The following UNC5A variants were observed in gnomAD, a reference collection of about 807,000 sequenced individuals.
UNC5A encodes unc-5 netrin receptor A.
UNC5A carries 20 observed loss-of-function variants against 87.4 expected under a neutral mutation model. That is an observed-to-expected ratio of 0.23 (90% CI 0.16 to 0.33). The LOEUF (loss-of-function observed/expected upper bound fraction) is 0.33. Ranked by LOEUF, UNC5A falls within the 10% of genes least tolerant of loss-of-function variation. The pLI is 1.00. For missense variants in UNC5A, 844 were observed against 1,133.4 expected (o/e 0.74, Z 3.67); for synonymous variants, 438 against 482.3 (o/e 0.91, Z 1.20).
intron 1 of UNC5A, among the ~76,000 whole-genome samples, chr5:176,858,774 G>GGAAA (rs771880438): frequency 0.13 from 7,343 of 57,142 alleles, 855 homozygotes; most frequent in Non-Finnish European, 0.2. Context: ...AAGGAAGGAA[G>GGAAA]GCAAGCAAGC....
Position 176,865,520 on chromosome 5 carries a change from T to C in UNC5A, c.293-2610T>C, listed in dbSNP as rs1757953314. The C allele has an allele frequency of 2.2e-6, 1 of 452,540 alleles. No individual in the cohort carries two copies. The allele number at this position is 452,540 out of a possible 1,614,324, so 28.0% of individuals were successfully genotyped here. A position where few individuals can be genotyped will look rare whatever the true frequency, so the allele number is the denominator to read the frequency against. On this transcript the variant is annotated intron_variant, in intron 2 of 14. Coordinates refer to ENST00000329542, the MANE Select transcript of UNC5A (RefSeq NM_133369.3). The surrounding 1 kb of genome is among the most constrained non-coding windows in gnomAD (Gnocchi z 5.3). Reference sequence around the variant, plus strand: ...CCACCCGTAACCGCCAGGGTCCTCTTCTGCCCCGAGCATCCGACTCCAGCC... The same window carrying C: ...CCACCCGTAACCGCCAGGGTCCTCTCCTGCCCCGAGCATCCGACTCCAGCC...
Position 176,878,619 on chromosome 5 carries a change from A to G in UNC5A, c.2164A>G (p.Ile722Val), listed in dbSNP as rs780065460. Residue 722 changes from isoleucine to valine, a missense_variant, in exon 13 of 15, where the codon ATC (isoleucine) becomes GTC (valine). Ile to Val is a conservative substitution (Grantham distance 29). Coordinates refer to ENST00000329542, the MANE Select transcript of UNC5A (RefSeq NM_133369.3). ...GGAGGGCGACGGGCAGAGCTTCAGC[A>G]TCAACTTCAACATCACCAAGGTGGA... ...QVEGDGQSFS[I>V]NFNITKDTRF... 6.8e-6 allele frequency: 11 copies of G among 1,612,320 alleles called. No individual in the cohort carries two copies. In the African/African-American group the frequency reaches 1.5e-4, roughly 22 times the overall value.
intron 1 of UNC5A, among the ~76,000 whole-genome samples, chr5:176,820,375 TGAGA>T (rs1756698687): frequency 6.6e-6 from 1 of 151,124 alleles, no homozygotes; most frequent in Non-Finnish European, 1.5e-5. Flanking sequence ...CCAGCCTGGG[TGAGA>T]GAGTGAGACT....
chr5:176,870,179 A>G (rs977027038), intron 5 of UNC5A, among the ~76,000 whole-genome samples, 191 bp from the exon 6 acceptor site: 1 of 152,188 alleles, frequency 6.6e-6, no homozygotes. Context: ...CCTCCCTGTC[A>G]TTAGCATGCG....
At chr5:176,836,533 G>A (rs905314636) in intron 1 of UNC5A, among the ~76,000 whole-genome samples, 17 of 152,132 alleles carry the variant, frequency 1.1e-4, no homozygotes, top group Admixed American at 7.2e-4. Flanking sequence ...CAGTGCCACC[G>A]TGAGTGGTTA....
At position 176,874,448 on chromosome 5, in the gene UNC5A, G is replaced by A. The variant is rs766339736; in HGVS notation, c.1260G>A (p.Glu420=). The change falls in exon 8 of 15, where the codon GAG becomes GAA. Residue 420 remains glutamate, a synonymous_variant. Transcript: ENST00000329542. This position sits in a 1 kb window ranked among gnomAD's most constrained non-coding sequence, Gnocchi z 7.6. The stretch of plus-strand genomic sequence containing the variant: ...ACAGCTCTCCCACCTCTGAGGCCGA[G>A]GAGTTCGTCTCCCGCCTCTCCACCC... ...LHHSSPTSEA[E]EFVSRLSTQN... 1.9e-6 allele frequency: 3 copies of A among 1,612,314 alleles called. No individual in the cohort carries two copies. The highest frequency in any genetic ancestry group is 2.5e-6 in the Non-Finnish European group (3 of 1,179,262).
rs574622108 is a variant in UNC5A at position 176,848,772 on chromosome 5, C to T, written c.71-13852C>T. Among the ~76,000 whole-genome samples, 1 of 152,336 alleles carries T rather than the reference C, an allele frequency of 6.6e-6. No individual in the cohort carries two copies. The highest frequency in any genetic ancestry group is 1.9e-4 in the East Asian group (1 of 5,184). ...TCACCCAGGGGCAGGAGCTGAGGCT[C>T]AGACCACGGGCACACAAGATGGGCA... On this transcript the variant is annotated intron_variant, in intron 1 of 14. Coordinates refer to ENST00000329542, the MANE Select transcript of UNC5A (RefSeq NM_133369.3). This position sits in a 1 kb window ranked among gnomAD's most constrained non-coding sequence, Gnocchi z 5.8.
chr5:176,877,040 G>A, intron 8 of UNC5A, 152 bp from the exon 9 acceptor site: 1 of 606,016 alleles, frequency 1.7e-6, no homozygotes, highest in Non-Finnish European at 2.8e-6. Flanking sequence ...TGTGGGGGTG[G>A]TTGGTCAGCA....
At chr5:176,825,515 T>C (rs1451233501) in intron 1 of UNC5A, among the ~76,000 whole-genome samples, 1 of 152,152 alleles carries the variant, frequency 6.6e-6, no homozygotes, top group Non-Finnish European at 1.5e-5. Context: ...CAGAGGCCAT[T>C]TGGAATCTGC....
rs889904297 is a variant in UNC5A, at chr5:176,838,228, G to C, written c.71-24396G>C. On this transcript the variant is annotated intron_variant, in intron 1 of 14. Transcript: ENST00000329542. This position sits in a 1 kb window ranked among gnomAD's most constrained non-coding sequence, Gnocchi z 4.2. ...AGGAGCTGGAGAGGTGGGAAGTAGG[G>C]ATTGGTGAGGCCTAATTCAGATGGT... 3.9e-5 allele frequency among the ~76,000 whole-genome samples: 6 copies of C among 152,312 alleles called. No individual in the cohort carries two copies. The highest frequency in any genetic ancestry group is 7.4e-5 in the Non-Finnish European group (5 of 68,022).
At chr5:176,814,545 C>T (rs970217030) in intron 1 of UNC5A, among the ~76,000 whole-genome samples, 17 of 152,216 alleles carry the variant, frequency 1.1e-4, no homozygotes, top group Non-Finnish European at 2.4e-4. Flanking sequence ...CTGTGAAACC[C>T]GCAGCTTCAG....
At chr5:176,876,760 C>G (rs1216293767) in intron 8 of UNC5A, among the ~76,000 whole-genome samples, 42 of 152,102 alleles carry the variant, frequency 2.8e-4, no homozygotes, top group Non-Finnish European at 1.8e-4. Flanking sequence ...GAACCACCAA[C>G]TTTGTAGCAC....
In UNC5A at chr5:176,869,056, G is replaced by A; in HGVS notation, c.721+92G>A. The A allele has an allele frequency of 2.9e-6, 4 of 1,395,210 alleles. No individual in the cohort carries two copies. The highest frequency in any genetic ancestry group is 3.8e-6 in the Non-Finnish European group (4 of 1,043,002). The allele number at this position is 1,395,210 out of a possible 1,614,324, so 86.4% of individuals were successfully genotyped here. A position where few individuals can be genotyped will look rare whatever the true frequency, so the allele number is the denominator to read the frequency against. On this transcript the variant is annotated intron_variant, in intron 5 of 14. Coordinates refer to ENST00000329542, the MANE Select transcript of UNC5A (RefSeq NM_133369.3). The surrounding 1 kb of genome is among the most constrained non-coding windows in gnomAD (Gnocchi z 9.1). ...TGGTGGGGTGAAGAGAGGCCATGAG[G>A]CCAAAGCCAGGTGGACCAGATCGTG...
In UNC5A at chr5:176,877,987, C is replaced by A. The variant is rs764305277; in HGVS notation, c.1729C>A (p.Arg577Ser). 1.2e-6 allele frequency: 2 copies of A among 1,605,740 alleles called. No individual in the cohort carries two copies. Among genetic ancestry groups the A allele is most frequent in the East Asian group, 4.5e-5 (2 of 44,894 alleles). ...ACYVFTEQLGRFALVGEALSV... is the reference protein window; with the variant it reads ...ACYVFTEQLGSFALVGEALSV... ...CTACGTCTTCACCGAGCAGCTGGGC[C>A]GCTTTGCCCTGGTGGGAGAGGCCCT... Residue 577 changes from arginine (R) to serine (S), a missense_variant, in exon 11 of 15, where the codon CGC becomes AGC. Coordinates refer to ENST00000329542, the MANE Select transcript of UNC5A (RefSeq NM_133369.3).
rs1015696771 is a variant in UNC5A at position 176,874,526 on chromosome 5, C to G, written c.1338C>G (p.Thr446=). Residue 446 remains threonine (T), a synonymous_variant, in exon 8 of 15, where the codon ACC becomes ACG. Transcript: ENST00000329542. The surrounding 1 kb of genome is among the most constrained non-coding windows in gnomAD (Gnocchi z 7.6). ...PRGTSNMTYG[T]FNFLGGRLMI... is the part of the protein sequence containing the mutation. ...GCACCAGCAACATGACCTATGGGAC[C>G]TTCAACTTCCTCGGGGGCCGGCTGA... 8 of 1,589,280 alleles carry G rather than the reference C, an allele frequency of 5.0e-6. No homozygotes were observed. The highest frequency in any genetic ancestry group is 5.2e-6 in the Non-Finnish European group (6 of 1,164,542).
rs1012141813 is a variant in UNC5A at position 176,848,037 on chromosome 5, TG to T, written c.71-14580del. 6.6e-6 allele frequency among the ~76,000 whole-genome samples: 1 copy of T among 151,882 alleles called. No homozygotes were observed. The highest frequency in any genetic ancestry group is 1.5e-5 in the Non-Finnish European group (1 of 67,932). ...TCCTGCTGCCTTCCCACACCAGACC[TG>T]GGGGGGCAAGAGGAAGAGGAGGCAT... On this transcript the variant is annotated intron_variant, in intron 1 of 14. Transcript: ENST00000329542. The surrounding 1 kb of genome is among the most constrained non-coding windows in gnomAD (Gnocchi z 5.8).
intron 6 of UNC5A, among the ~76,000 whole-genome samples, chr5:176,871,768 G>T (rs879932201): frequency 2.1e-5 from 1 of 48,648 alleles, no homozygotes; most frequent in Non-Finnish European, 5.0e-5. Flanking sequence ...GCCCACACTC[G>T]CCCAACACCA....
At chr5:176,847,765 A>G (rs538384741) in intron 1 of UNC5A, among the ~76,000 whole-genome samples, 2 of 152,284 alleles carry the variant, frequency 1.3e-5, no homozygotes, top group South Asian at 2.1e-4. Flanking sequence ...TGATTTATTA[A>G]GAGCCAATGA....
intron 13 of UNC5A, 138 bp from the exon 14 acceptor site, chr5:176,879,172 G>A (rs1758345827): frequency 1.9e-6 from 2 of 1,057,514 alleles, no homozygotes; most frequent in Non-Finnish European, 2.7e-6. Flanking sequence ...CTTGGCACAT[G>A]GGAGGTGCCC....
Sources: gnomAD v4.1 joint callset for allele counts (sites outside exome capture counted in the v4.1 genomes callset) on GRCh38, gnomAD v4.1.1 for gene constraint, Gnocchi (gnomAD v3.1) non-coding constraint, MANE v1.5 for transcripts, NCBI Gene and HGNC (gene_info 2026-07-23, HGNC 2026-07-21) for gene names.